The following CNNM2 variants were observed in gnomAD, a reference collection of about 807,000 sequenced individuals.
CNNM2 encodes the protein cyclin and CBS domain divalent metal cation transport mediator 2.
Under a neutral mutation model 66.9 loss-of-function variants are expected in CNNM2, and 12 were observed. That is an observed-to-expected ratio of 0.18 (90% CI 0.11 to 0.29). The LOEUF is 0.29. CNNM2 is among the 10% of genes least tolerant of loss of function. The probability of loss-of-function intolerance (pLI) is 1.00; values close to 1 mark genes in which losing one functional copy is unlikely to be tolerated. For missense variants in CNNM2, 705 were observed against 1,167.7 expected (o/e 0.60, Z 5.77); for synonymous variants, 557 against 501.8 (o/e 1.11, Z -1.47).
intron 5 of CNNM2, 65 bp from the exon 6 acceptor site, chr10:103,071,709 T>C: frequency 7.9e-7 from 1 of 1,263,772 alleles, no homozygotes; most frequent in Non-Finnish European, 1.2e-6. Context: ...TCCTGTCCCT[T>C]GATTACAGAG....
chr10:102,936,143 C>T (rs1846232837), intron 1 of CNNM2, among the ~76,000 whole-genome samples: 1 of 151,910 alleles, frequency 6.6e-6, no homozygotes, highest in Non-Finnish European at 1.5e-5. Context: ...TTCCATTTGC[C>T]CATCTGCAAT....
intron 6 of CNNM2, 73 bp downstream of exon 6, chr10:103,071,912 G>A (rs1235787266): frequency 1.8e-5 from 24 of 1,348,292 alleles, no homozygotes; most frequent in Non-Finnish European, 2.5e-5. Flanking sequence ...TGGCTGGCTG[G>A]GTCTGCTCCC....
chr10:102,932,088 A>G (rs1846083090), intron 1 of CNNM2, among the ~76,000 whole-genome samples: 1 of 152,132 alleles, frequency 6.6e-6, no homozygotes, highest in South Asian at 2.1e-4. Flanking sequence ...GTCACTTGTC[A>G]GATATATGAT....
chr10:103,077,246 C>T lies in CNNM2; in HGVS notation c.*66C>T. On this transcript the variant is annotated 3_prime_UTR_variant, in exon 8 of 8. Transcript: ENST00000369878. ...TCCCGAGGGCCCGGCCCTGTCTGCC[C>T]ATGACTTCACTGGTGTGAGCTTGTC... The T allele has an allele frequency of 7.1e-7, 1 of 1,408,998 alleles. No homozygotes were observed. Among genetic ancestry groups the T allele is most frequent in the South Asian group, 1.2e-5 (1 of 84,290 alleles). The allele number at this position is 1,408,998 out of a possible 1,614,324, so 87.3% of individuals were successfully genotyped here. A position where few individuals can be genotyped will look rare whatever the true frequency, so the allele number is the denominator to read the frequency against.
At chr10:102,950,981 C>CTTTTT (rs34870588) in intron 1 of CNNM2, among the ~76,000 whole-genome samples, 147 of 80,458 alleles carry the variant, frequency 1.8e-3, no homozygotes, top group Non-Finnish European at 2.3e-3. Flanking sequence ...CTTTCTTTCT[C>CTTTTT]TTTTTTTTTT....
chr10:103,009,478 G>A (rs2064294571), intron 1 of CNNM2, among the ~76,000 whole-genome samples: 1 of 151,748 alleles, frequency 6.6e-6, no homozygotes, highest in African/African-American at 2.4e-5. Context: ...TATCGCTTGA[G>A]CCTGGGAATT....
intron 1 of CNNM2, among the ~76,000 whole-genome samples, chr10:102,999,284 A>T (rs2064069223): frequency 7.0e-6 from 1 of 142,330 alleles, no homozygotes; most frequent in Non-Finnish European, 1.5e-5. Context: ...GGGTTTCACC[A>T]GGTTAGCCAG....
At chr10:102,952,110 T>A (rs997830353) in intron 1 of CNNM2, among the ~76,000 whole-genome samples, 10 of 151,734 alleles carry the variant, frequency 6.6e-5, no homozygotes, top group South Asian at 4.2e-4. Flanking sequence ...GCCAATTTTT[T>A]AAATTTTTTG....
chr10:102,957,130 C>T (rs184003990), intron 1 of CNNM2, among the ~76,000 whole-genome samples: 25 of 151,818 alleles, frequency 1.6e-4, no homozygotes, highest in African/African-American at 5.3e-4. Context: ...GGTGAAACCC[C>T]GTCTCTACTA....
rs1248668310 is a variant in CNNM2, at chr10:103,088,314, G to A, written c.*11134G>A. ...CAACTTTCACTGTACTGGTGAAACAGTTTTAATACCCTAACATACACAGTA... is the reference window on the plus strand; with the variant it reads ...CAACTTTCACTGTACTGGTGAAACAATTTTAATACCCTAACATACACAGTA... On this transcript the variant is annotated 3_prime_UTR_variant, in exon 8 of 8. Coordinates refer to ENST00000369878, the MANE Select transcript of CNNM2 (RefSeq NM_017649.5). 1 of 152,212 alleles carries A rather than the reference G, an allele frequency of 6.6e-6. No individual in the cohort carries two copies. The highest frequency in any genetic ancestry group is 1.9e-4 in the East Asian group (1 of 5,198). The allele number at this position is 152,212 out of a possible 1,614,324, so 9.4% of individuals were successfully genotyped here. A position where few individuals can be genotyped will look rare whatever the true frequency, so the allele number is the denominator to read the frequency against.
chr10:102,925,201 CAGG>C (rs1383156510), intron 1 of CNNM2, among the ~76,000 whole-genome samples: 1 of 141,060 alleles, frequency 7.1e-6, no homozygotes, highest in East Asian at 2.2e-4. Context: ...GAGGCTGAGG[CAGG>C]AGGATTGCTT....
At chr10:102,958,167 C>A (rs1847117419) in intron 1 of CNNM2, among the ~76,000 whole-genome samples, 1 of 152,178 alleles carries the variant, frequency 6.6e-6, no homozygotes, top group South Asian at 2.1e-4. Flanking sequence ...AACTCCCGAC[C>A]TCAGGTGATC....
rs193007982 is a variant in CNNM2 at position 103,025,118 on chromosome 10, G to A, written c.1622-24589G>A. 1.4e-3 allele frequency among the ~76,000 whole-genome samples: 206 copies of A among 152,200 alleles called. 1 individual carries two copies. The highest frequency in any genetic ancestry group is 4.2e-3 in the African/African-American group (176 of 41,526). On this transcript the variant is annotated intron_variant, in intron 1 of 7. Coordinates refer to ENST00000369878, the MANE Select transcript of CNNM2 (RefSeq NM_017649.5). ...TTTTTATTTTTATTTTTGAGACAGC[G>A]TCTCGCCCTGTCACCCAGGCTGGAG...
At chr10:103,072,299 A>G (rs541445127) in intron 6 of CNNM2, among the ~76,000 whole-genome samples, 125 of 152,300 alleles carry the variant, frequency 8.2e-4, no homozygotes, top group Non-Finnish European at 1.7e-3. Context: ...TCTTCTTGGT[A>G]AGCAAGAAAA....
chr10:102,922,937 C>CAAAAA (rs60845072), intron 1 of CNNM2, among the ~76,000 whole-genome samples: 1 of 89,642 alleles, frequency 1.1e-5, no homozygotes, highest in Non-Finnish European at 2.3e-5. Flanking sequence ...GACCCTGTCT[C>CAAAAA]AAAAAAAAAA....
rs929982880 is a variant in CNNM2 at position 103,074,750 on chromosome 10, C to G, written c.2234-1336C>G. 2.0e-5 allele frequency among the ~76,000 whole-genome samples: 3 copies of G among 152,138 alleles called. No individual in the cohort carries two copies. The East Asian group carries it at 5.8e-4, about 29-fold the overall frequency. ...TCAGGAGGCTGAGGTAGGAGGATCC[C>G]CTGAGCCCAGGAGGTTGAAGCTACA... is the stretch of plus-strand genomic sequence containing the variant. On this transcript the variant is annotated intron_variant, in intron 6 of 7. Coordinates refer to ENST00000369878, the MANE Select transcript of CNNM2 (RefSeq NM_017649.5).
At chr10:102,932,916 C>CAAAAAAA (rs71019636) in intron 1 of CNNM2, among the ~76,000 whole-genome samples, 1 of 70,668 alleles carries the variant, frequency 1.4e-5, no homozygotes, top group Non-Finnish European at 2.8e-5. Context: ...GACTCTGTCT[C>CAAAAAAA]AAAAAAAAAA....
Position 103,089,350 on chromosome 10 carries a change from G to A in CNNM2, c.*12170G>A, listed in dbSNP as rs754019303. On this transcript the variant is annotated 3_prime_UTR_variant, in exon 8 of 8. Transcript: ENST00000369878. ...ACTCTGAGACTCTTTCCTTTTCCTC[G>A]TGTATCCAGATACACTGACATACGG... 3.8e-5 allele frequency: 10 copies of A among 260,616 alleles called. No homozygotes were observed. Among genetic ancestry groups the A allele is most frequent in the Admixed American group, 1.5e-4 (3 of 19,486 alleles). The allele number at this position is 260,616 out of a possible 1,614,324, so 16.1% of individuals were successfully genotyped here.
rs947819765 is a variant in CNNM2, at chr10:103,086,775, CT to C, written c.*9597del. On this transcript the variant is annotated 3_prime_UTR_variant, in exon 8 of 8. Coordinates refer to ENST00000369878, the MANE Select transcript of CNNM2 (RefSeq NM_017649.5). ...TATTTTAGGTCTCAGCAGAGGTATG[CT>C]TATGGCAAGAGAAAAATCTTAGGTC... 2 of 152,190 alleles carry C rather than the reference CT, an allele frequency of 1.3e-5. No individual in the cohort carries two copies. The highest frequency in any genetic ancestry group is 3.8e-4 in the East Asian group (2 of 5,204). The allele number at this position is 152,190 out of a possible 1,614,324, so 9.4% of individuals were successfully genotyped here.
Sources: gnomAD v4.1 joint callset for allele counts (sites outside exome capture counted in the v4.1 genomes callset) on GRCh38, gnomAD v4.1.1 for gene constraint, MANE v1.5 for transcripts, NCBI Gene and HGNC (gene_info 2026-07-23, HGNC 2026-07-21) for gene names.